The following FRMD4A variants were observed in gnomAD, a reference collection of about 807,000 sequenced individuals.
FRMD4A encodes the protein FERM domain containing 4A.
A neutral mutation model predicts 129.1 loss-of-function variants in FRMD4A; 29 were observed. That is an observed-to-expected ratio of 0.22 (90% CI 0.17 to 0.31). FRMD4A has a LOEUF of 0.31. Among genes scored for constraint, FRMD4A ranks in the 10% least tolerant of loss-of-function variants. The pLI is 1.00. For missense variants in FRMD4A, 1,272 were observed against 1,375.8 expected, an observed-to-expected ratio of 0.92 and a Z score of 1.19; for synonymous variants, 634 against 571.6, an observed-to-expected ratio of 1.11 and a Z score of -1.56.
At position 13,881,993 on chromosome 10, in the gene FRMD4A, GTGTGTGTGT is replaced by G. The variant is rs1564965526; in HGVS notation, c.46-23090_46-23082del. Among the ~76,000 whole-genome samples the G allele has an allele frequency of 3.6e-3, 522 of 146,284 alleles. 20 individuals carry two copies. In the East Asian group the frequency reaches 0.057, roughly 16 times the overall value. ...AATGTGCTTGGGGAGAGGCAAGGGT[GTGTGTGTGT>G]GTGTGTGTGTGTGTGTGTGTGTGTG... On this transcript the variant is annotated intron_variant, in intron 2 of 24. Coordinates refer to ENST00000357447, the MANE Select transcript of FRMD4A (RefSeq NM_018027.5).
chr10:13,858,992 G>A, intron 2 of FRMD4A, 80 bp from the exon 3 acceptor site: 1 of 849,966 alleles, frequency 1.2e-6, no homozygotes, highest in South Asian at 1.3e-5. Flanking sequence ...GCTGCACTCT[G>A]CCAGGCATAT....
chr10:13,990,315 T>A (rs1230982772), intron 2 of FRMD4A, among the ~76,000 whole-genome samples: 3 of 152,148 alleles, frequency 2.0e-5, no homozygotes, highest in Admixed American at 1.3e-4. Context: ...GGCCATTTTC[T>A]TGGAGAGTGA....
intron 2 of FRMD4A, among the ~76,000 whole-genome samples, chr10:14,253,776 C>T (rs1413819889): frequency 6.6e-6 from 1 of 152,170 alleles, no homozygotes; most frequent in Non-Finnish European, 1.5e-5. Context: ...TTGTTTTGCT[C>T]TTGGTTTCTC....
Position 13,802,920 on chromosome 10 carries a change from C to T in FRMD4A, c.207-6332G>A, listed in dbSNP as rs533782189. Reference sequence around the variant, plus strand: ...CCAGGCACTTTGGGAGGTCAAGGTGCGCTGATTACCTGAAGCCAGGAGTTC... The same window carrying T: ...CCAGGCACTTTGGGAGGTCAAGGTGTGCTGATTACCTGAAGCCAGGAGTTC... On this transcript the variant is annotated intron_variant, in intron 4 of 24. Transcript: ENST00000357447. Among the ~76,000 whole-genome samples the T allele has an allele frequency of 7.2e-5, 11 of 152,144 alleles. No individual in the cohort carries two copies. In the South Asian group the frequency reaches 1.7e-3, roughly 23 times the overall value.
At chr10:13,711,908 G>T (rs2088061178) in intron 12 of FRMD4A, 1 of 152,216 alleles carries the variant, frequency 6.6e-6, no homozygotes, top group South Asian at 2.1e-4. Context: ...CTCTAACTAT[G>T]TTGCTTTCCC....
At chr10:14,075,858 G>A (rs545283983) in intron 2 of FRMD4A, among the ~76,000 whole-genome samples, 19 of 152,214 alleles carry the variant, frequency 1.2e-4, no homozygotes, top group South Asian at 4.1e-4. Context: ...TCATAAAGCC[G>A]GAGAGAGAAG....
intron 4 of FRMD4A, among the ~76,000 whole-genome samples, chr10:13,803,689 A>C (rs118183806): frequency 1.8e-3 from 267 of 152,210 alleles, no homozygotes; most frequent in Middle Eastern, 6.8e-3. Flanking sequence ...ATCACTTCCT[A>C]ATCTACAAAC....
chr10:13,867,587 A>T (rs1316452844), intron 2 of FRMD4A, among the ~76,000 whole-genome samples: 2 of 120,388 alleles, frequency 1.7e-5, no homozygotes, highest in Non-Finnish European at 3.3e-5. Flanking sequence ...TAATATATAT[A>T]AAATAATATA....
chr10:13,947,521 G>C (rs541091490), intron 2 of FRMD4A, among the ~76,000 whole-genome samples: 1 of 152,122 alleles, frequency 6.6e-6, no homozygotes, highest in East Asian at 1.9e-4. Context: ...GGTCATACGG[G>C]ATGCCTAGGG....
intron 6 of FRMD4A, among the ~76,000 whole-genome samples, chr10:13,782,196 C>T (rs1346573904): frequency 6.6e-6 from 1 of 152,070 alleles, no homozygotes. Context: ...TTGAAAGATG[C>T]TGCTAGACCA....
chr10:14,070,425 G>C (rs1835264908), intron 2 of FRMD4A, among the ~76,000 whole-genome samples: 1 of 152,078 alleles, frequency 6.6e-6, no homozygotes, highest in Admixed American at 6.5e-5. Context: ...AATATCTTTT[G>C]GCTATCAATA....
intron 2 of FRMD4A, among the ~76,000 whole-genome samples, chr10:14,269,983 G>A (rs1845108624): frequency 6.6e-6 from 1 of 152,174 alleles, no homozygotes; most frequent in South Asian, 2.1e-4. Flanking sequence ...GCTGAAGAAG[G>A]ATGGATTCTT....
chr10:14,160,863 A>G (rs914238717), intron 2 of FRMD4A, among the ~76,000 whole-genome samples: 2 of 152,194 alleles, frequency 1.3e-5, no homozygotes, highest in African/African-American at 2.4e-5. Flanking sequence ...ACAAAAAATA[A>G]CAAATGCTGG....
intron 2 of FRMD4A, among the ~76,000 whole-genome samples, chr10:14,251,257 A>G (rs1269000285): frequency 6.6e-6 from 1 of 152,214 alleles, no homozygotes; most frequent in East Asian, 1.9e-4. Flanking sequence ...GGATTTGATT[A>G]TAAAAAGATT....
At chr10:13,699,632 C>A (rs3750879) in intron 14 of FRMD4A, among the ~76,000 whole-genome samples, 54,025 of 152,044 alleles carry the variant, frequency 0.36, 10,152 homozygotes, top group Middle Eastern at 0.46. Flanking sequence ...TGGTACAGTG[C>A]GTGGGGGGTC....
At chr10:13,762,162 C>A (rs1820174267) in intron 7 of FRMD4A, among the ~76,000 whole-genome samples, 1 of 152,182 alleles carries the variant, frequency 6.6e-6, no homozygotes, top group Admixed American at 6.5e-5. Context: ...GAAATGATAT[C>A]ATTTTAACTC....
intron 8 of FRMD4A, among the ~76,000 whole-genome samples, chr10:13,758,687 G>C (rs1200656362): frequency 6.6e-6 from 1 of 151,778 alleles, no homozygotes; most frequent in African/African-American, 2.4e-5. Context: ...CTCTTTTTTT[G>C]CTGAGAGCCT....
intron 2 of FRMD4A, among the ~76,000 whole-genome samples, chr10:14,004,415 G>C (rs1316438146): frequency 6.6e-6 from 1 of 152,140 alleles, no homozygotes; most frequent in Non-Finnish European, 1.5e-5. Flanking sequence ...GGTGGCGCAC[G>C]CCTGTAATAC....
chr10:13,995,430 C>T (rs142933506), intron 2 of FRMD4A, among the ~76,000 whole-genome samples: 1 of 152,264 alleles, frequency 6.6e-6, no homozygotes, highest in East Asian at 1.9e-4. Flanking sequence ...ACTAAAAATA[C>T]AAAAATTAAC....
Sources: gnomAD v4.1 joint callset for allele counts (sites outside exome capture counted in the v4.1 genomes callset) on GRCh38, gnomAD v4.1.1 for gene constraint, MANE v1.5 for transcripts, NCBI Gene and HGNC (gene_info 2026-07-23, HGNC 2026-07-21) for gene names.